Variants in UGT2A1 observed in about 807,000 individuals in gnomAD.
The protein encoded by UGT2A1 is UDP glucuronosyltransferase family 2 member A1 complex locus, also known as UDP-glucuronosyltransferase 2A1.
Under a neutral mutation model 45.4 loss-of-function variants are expected in UGT2A1, and 61 were observed. The observed-to-expected ratio is 1.34, with a 90% CI of 1.09 to 1.66. The LOEUF is 1.66. Among genes scored for constraint, UGT2A1 ranks in the 40% most tolerant of loss-of-function variants. The pLI is 0.00. For missense variants in UGT2A1, 649 were observed against 574.3 expected (o/e 1.13, Z -1.33); for synonymous variants, 229 against 196.2 (o/e 1.17, Z -1.40).
At chr4:69,646,849 A>T (rs1165191811) in intron 2 of UGT2A1, 81 bp downstream of exon 2, 6 of 964,170 alleles carry the variant, frequency 6.2e-6, no homozygotes, top group Admixed American at 2.7e-5. Flanking sequence ...AAAAAAGAAT[A>T]GACATAGGGA....
rs931192068 is a variant in UGT2A1 at position 69,599,329 on chromosome 4, C to A, written c.913G>T (p.Asp305Tyr). The A allele has an allele frequency of 1.2e-6, 2 of 1,613,784 alleles. No individual in the cohort carries two copies. The highest frequency in any genetic ancestry group is 1.7e-6 in the Non-Finnish European group (2 of 1,179,924). ...AAGTATGGACGAGGAAATTCAAAAT[C>A]CCAATATGTTCGGATTAACCAAATT... ...AEIWLIRTYW[D>Y]FEFPRPYLPN... Residue 305 changes from aspartate (D) to tyrosine (Y), a missense_variant, in exon 4 of 7, where the codon GAT (aspartate) becomes TAT (tyrosine). Physicochemically the swap from Asp to Tyr is radical, Grantham distance 160 (BLOSUM62 -3). Transcript: ENST00000286604.
At chr4:69,627,839 A>C (rs1272327089) in intron 3 of UGT2A1, among the ~76,000 whole-genome samples, 1 of 151,968 alleles carries the variant, frequency 6.6e-6, no homozygotes, top group Non-Finnish European at 1.5e-5. Flanking sequence ...GAAAATTTAT[A>C]AATGTCATAG....
At chr4:69,644,045 A>G (rs570262880) in intron 2 of UGT2A1, among the ~76,000 whole-genome samples, 1 of 151,786 alleles carries the variant, frequency 6.6e-6, no homozygotes, top group South Asian at 2.1e-4. Context: ...TTTAATAAAG[A>G]CAAACTTAAG....
At chr4:69,637,997 C>CAGGA (rs200856756) in intron 2 of UGT2A1, among the ~76,000 whole-genome samples, 1,464 of 133,070 alleles carry the variant, frequency 0.011, 22 homozygotes, top group African/African-American at 0.038. Context: ...GGAAGGCAGG[C>CAGGA]AGGAAGGAAG....
At chr4:69,634,524 A>G (rs1721569950) in intron 3 of UGT2A1, among the ~76,000 whole-genome samples, 1 of 152,148 alleles carries the variant, frequency 6.6e-6, no homozygotes, top group Non-Finnish European at 1.5e-5. Context: ...GTTTAGTTGC[A>G]GACAAGTTGG....
intron 4 of UGT2A1, among the ~76,000 whole-genome samples, chr4:69,596,059 G>C (rs1179213569): frequency 6.6e-6 from 1 of 152,142 alleles, no homozygotes; most frequent in Non-Finnish European, 1.5e-5. Context: ...ATAATGCCAA[G>C]GCTCAGTAGG....
intron 3 of UGT2A1, among the ~76,000 whole-genome samples, chr4:69,616,260 A>G (rs998721305): frequency 2.6e-5 from 4 of 151,924 alleles, no homozygotes; most frequent in African/African-American, 9.7e-5. Context: ...GGGTATAAAG[A>G]GGGCATGATT....
At chr4:69,615,155 A>C (rs1185617903) in intron 3 of UGT2A1, among the ~76,000 whole-genome samples, 1 of 151,976 alleles carries the variant, frequency 6.6e-6, no homozygotes, top group African/African-American at 2.4e-5. Context: ...CAGGAGACAA[A>C]CCATATCAAT....
At chr4:69,633,699 A>G (rs2109959497) in intron 3 of UGT2A1, among the ~76,000 whole-genome samples, 1 of 152,318 alleles carries the variant, frequency 6.6e-6, no homozygotes, top group South Asian at 2.1e-4. Context: ...GATACAAAGG[A>G]GTACATAATG....
chr4:69,629,006 G>T (rs6849110), intron 3 of UGT2A1, among the ~76,000 whole-genome samples: 5,268 of 151,280 alleles, frequency 0.035, 294 homozygotes, highest in African/African-American at 0.12. Flanking sequence ...GGTGATATCA[G>T]GTGATACATG....
At chr4:69,638,309 A>G (rs1260825650) in intron 2 of UGT2A1, among the ~76,000 whole-genome samples, 2 of 152,252 alleles carry the variant, frequency 1.3e-5, no homozygotes, top group East Asian at 3.9e-4. Flanking sequence ...TTGATGGTTA[A>G]CATTATTGTG....
intron 3 of UGT2A1, among the ~76,000 whole-genome samples, chr4:69,616,833 C>CT (rs4148315): frequency 0.032 from 4,094 of 127,226 alleles, 203 homozygotes; most frequent in African/African-American, 0.1. Context: ...ATTTTCTTTT[C>CT]TTTTTTTTTT....
At chr4:69,612,547 G>A (rs1347738874) in intron 3 of UGT2A1, among the ~76,000 whole-genome samples, 1 of 151,790 alleles carries the variant, frequency 6.6e-6, no homozygotes, top group African/African-American at 2.4e-5. Flanking sequence ...ATAGACGAAT[G>A]GAGCAGAAAA....
intron 2 of UGT2A1, among the ~76,000 whole-genome samples, chr4:69,645,124 C>G (rs1380920413): frequency 6.6e-6 from 1 of 151,670 alleles, no homozygotes; most frequent in South Asian, 2.1e-4. Flanking sequence ...GCAAACATTA[C>G]AGTCTCTGCA....
At chr4:69,649,327 T>C (rs1342941071) in intron 1 of UGT2A1, among the ~76,000 whole-genome samples, 1 of 152,104 alleles carries the variant, frequency 6.6e-6, no homozygotes, top group Non-Finnish European at 1.5e-5. Context: ...GAAGATGTTA[T>C]GGTGTGCACA....
At chr4:69,617,657 G>A (rs1175831160) in intron 3 of UGT2A1, among the ~76,000 whole-genome samples, 1 of 151,630 alleles carries the variant, frequency 6.6e-6, no homozygotes, top group Non-Finnish European at 1.5e-5. Flanking sequence ...GATTTCATTA[G>A]CAACATACAG....
At chr4:69,609,868 A>G (rs576520583) in intron 3 of UGT2A1, among the ~76,000 whole-genome samples, 1 of 152,308 alleles carries the variant, frequency 6.6e-6, no homozygotes, top group African/African-American at 2.4e-5. Context: ...GAAAACTGTC[A>G]TAGAACTTGG....
chr4:69,605,581 A>C (rs1283204132), intron 3 of UGT2A1, among the ~76,000 whole-genome samples: 2 of 136,834 alleles, frequency 1.5e-5, no homozygotes, highest in Non-Finnish European at 1.6e-5. Context: ...TCAGAGCAGA[A>C]CTGAAGGAAA....
At chr4:69,624,013 A>C (rs10021575) in intron 3 of UGT2A1, among the ~76,000 whole-genome samples, 53,174 of 151,310 alleles carry the variant, frequency 0.35, 9,700 homozygotes, top group African/African-American at 0.43. Flanking sequence ...TTTCCATGAA[A>C]AATATGAACT....
Sources: allele counts gnomAD v4.1 joint callset (sites outside exome capture counted in the v4.1 genomes callset), GRCh38; gene constraint gnomAD v4.1.1; transcripts MANE v1.5; gene names NCBI Gene and HGNC (gene_info 2026-07-23, HGNC 2026-07-21).